The following JMJD1C variants were observed in gnomAD, a reference collection of about 807,000 sequenced individuals.
JMJD1C encodes jumonji domain-containing protein 1C.
Under a neutral mutation model 245.3 loss-of-function variants are expected in JMJD1C, and 31 were observed. The observed-to-expected ratio is 0.13, with a 90% CI of 0.09 to 0.17. The LOEUF (loss-of-function observed/expected upper bound fraction) is 0.17, where lower values mean the gene tolerates loss of function less well. JMJD1C is among the 10% of genes least tolerant of loss of function. JMJD1C has a pLI of 1.00. For synonymous variants in JMJD1C, 1,057 were observed against 1,017.4 expected, an observed-to-expected ratio of 1.04 and a Z score of -0.74; for missense variants, 2,691 against 3,000.2, an observed-to-expected ratio of 0.90 and a Z score of 2.41.
chr10:63,342,746 T>C (rs1169045139), intron 2 of JMJD1C, among the ~76,000 whole-genome samples: 1 of 152,240 alleles, frequency 6.6e-6, no homozygotes, highest in African/African-American at 2.4e-5. Context: ...TGATTACTTA[T>C]CAATAGCATA....
chr10:63,390,232 T>C (rs1947945309), intron 1 of JMJD1C, among the ~76,000 whole-genome samples: 1 of 151,904 alleles, frequency 6.6e-6, no homozygotes, highest in Non-Finnish European at 1.5e-5. Context: ...CAAAAGATCA[T>C]CAGAGACCAT....
intron 3 of JMJD1C, among the ~76,000 whole-genome samples, chr10:63,246,574 T>C (rs1852230262): frequency 6.6e-6 from 1 of 152,116 alleles, no homozygotes; most frequent in Non-Finnish European, 1.5e-5. Flanking sequence ...CAGACTCATC[T>C]TACAGGAATG....
In JMJD1C at chr10:63,194,347, A is replaced by G. The variant is rs763317577; in HGVS notation, c.5673T>C (p.Cys1891=). The G allele has an allele frequency of 4.3e-6, 7 of 1,612,370 alleles. No individual in the cohort carries two copies. In the South Asian group the frequency reaches 5.5e-5, roughly 13 times the overall value. ...RDKELYAWMK[C]VKGQPHDHKH... ...TGTGATCATGAGGCTGTCCCTTCAC[A>G]CACTTCATCCAAGCATATAGTTCTT... The change falls in exon 14 of 26, where the codon TGT becomes TGC. Residue 1891 remains cysteine (C), a synonymous_variant. Coordinates refer to ENST00000399262, the MANE Select transcript of JMJD1C (RefSeq NM_032776.3).
intron 1 of JMJD1C, among the ~76,000 whole-genome samples, chr10:63,464,904 G>A (rs1243645836): frequency 1.3e-5 from 2 of 152,154 alleles, no homozygotes; most frequent in Non-Finnish European, 2.9e-5. Context: ...CGGTTAGAAA[G>A]CCAAGCATCT....
intron 10 of JMJD1C, chr10:63,204,681 A>G: frequency 1.0e-6 from 1 of 985,448 alleles, no homozygotes; most frequent in Non-Finnish European, 1.2e-6. Context: ...ATTCAAGTAA[A>G]TGGCAGGTAT....
At chr10:63,381,193 C>A (rs540954226) in intron 1 of JMJD1C, among the ~76,000 whole-genome samples, 1 of 152,270 alleles carries the variant, frequency 6.6e-6, no homozygotes, top group South Asian at 2.1e-4. Flanking sequence ...CATGTTCACA[C>A]TCATATGTGG....
Position 63,213,808 on chromosome 10 carries a change from G to A in JMJD1C, c.2359C>T (p.His787Tyr). 1 of 1,614,040 alleles carries A rather than the reference G, an allele frequency of 6.2e-7. No homozygotes were observed. The highest frequency in any genetic ancestry group is 8.5e-7 in the Non-Finnish European group (1 of 1,179,952). Reference protein sequence around the residue: ...INTHPLTSGPHHAVHHPHLLP... With the variant: ...INTHPLTSGPYHAVHHPHLLP... ...AAATGAGGGTGATGAACAGCATGGTGTGGACCACTAGTCAGAGGATGAGTG... is the reference window on the plus strand; with the variant it reads ...AAATGAGGGTGATGAACAGCATGGTATGGACCACTAGTCAGAGGATGAGTG... The change falls in exon 8 of 26, where the codon CAC (histidine) becomes TAC (tyrosine). Residue 787 changes from histidine to tyrosine, a missense_variant. Physicochemically the swap from His to Tyr is moderately conservative, Grantham distance 83. Coordinates refer to ENST00000399262, the MANE Select transcript of JMJD1C (RefSeq NM_032776.3).
intron 1 of JMJD1C, among the ~76,000 whole-genome samples, chr10:63,402,262 AAAATT>A (rs1392131415): frequency 2.0e-5 from 3 of 152,334 alleles, no homozygotes; most frequent in Admixed American, 2.0e-4. Context: ...AGAGAAATAA[AAAATT>A]AAAACCATAA....
At chr10:63,427,489 T>C in intron 1 of JMJD1C, 2 of 1,272,290 alleles carry the variant, frequency 1.6e-6, no homozygotes, top group Non-Finnish European at 1.1e-6. Context: ...GATGTCCCAC[T>C]GGGCCAAGCA....
chr10:63,324,908 T>C (rs575452214), intron 2 of JMJD1C, among the ~76,000 whole-genome samples: 2 of 152,370 alleles, frequency 1.3e-5, no homozygotes, highest in African/African-American at 4.8e-5. Flanking sequence ...GCTGGAGTCA[T>C]GAAATCCTTA....
At chr10:63,221,237 G>A (rs962777000) in intron 3 of JMJD1C, among the ~76,000 whole-genome samples, 8 of 152,124 alleles carry the variant, frequency 5.3e-5, no homozygotes, top group African/African-American at 1.7e-4. Flanking sequence ...TAGCTGAAGT[G>A]TAAAAAATAA....
intron 1 of JMJD1C, among the ~76,000 whole-genome samples, chr10:63,423,201 G>A (rs1379375196): frequency 6.6e-6 from 1 of 152,092 alleles, no homozygotes; most frequent in Non-Finnish European, 1.5e-5. Context: ...CTGACCTCTG[G>A]TGATATGCCC....
At chr10:63,343,204 A>G (rs768569209) in intron 2 of JMJD1C, among the ~76,000 whole-genome samples, 1 of 152,054 alleles carries the variant, frequency 6.6e-6, no homozygotes, top group Non-Finnish European at 1.5e-5. Flanking sequence ...TCTACAAAAA[A>G]TTTTTTTAAA....
chr10:63,319,429 C>G (rs1288149090), intron 2 of JMJD1C, among the ~76,000 whole-genome samples: 1 of 150,658 alleles, frequency 6.6e-6, no homozygotes, highest in Non-Finnish European at 1.5e-5. Context: ...TATATTTTAA[C>G]TTTAACGTAT....
chr10:63,347,738 C>A (rs910642778), intron 2 of JMJD1C, among the ~76,000 whole-genome samples: 1 of 151,692 alleles, frequency 6.6e-6, no homozygotes, highest in Middle Eastern at 3.2e-3. Context: ...CGTGGTGAAA[C>A]GCCCCCACCC....
chr10:63,350,649 C>T lies in JMJD1C; in HGVS notation c.333+29669G>A, dbSNP rs185947888. Among the ~76,000 whole-genome samples the T allele has an allele frequency of 2.7e-3, 398 of 146,630 alleles. 3 individuals are homozygous for T. Among genetic ancestry groups the T allele is most frequent in the African/African-American group, 9.4e-3 (370 of 39,448 alleles). On this transcript the variant is annotated intron_variant, in intron 2 of 25. Coordinates refer to ENST00000399262, the MANE Select transcript of JMJD1C (RefSeq NM_032776.3). The stretch of plus-strand genomic sequence containing the variant: ...TTTTTTTTTTTGAGACGGAGTCTCA[C>T]TCTGTCACCCAGGCTGGAGTGCAGT...
intron 22 of JMJD1C, among the ~76,000 whole-genome samples, chr10:63,180,862 G>A (rs568260224): frequency 8.0e-5 from 12 of 150,556 alleles, no homozygotes; most frequent in South Asian, 2.1e-4. Flanking sequence ...TCCGCCTCCC[G>A]GGTTCACGCC....
intron 1 of JMJD1C, among the ~76,000 whole-genome samples, chr10:63,381,836 A>G (rs986517397): frequency 6.6e-6 from 1 of 152,232 alleles, no homozygotes; most frequent in Admixed American, 6.5e-5. Flanking sequence ...AGTAAAGATT[A>G]GCCCATTATC....
chr10:63,275,369 A>G (rs1014859317), intron 2 of JMJD1C, among the ~76,000 whole-genome samples: 3 of 152,266 alleles, frequency 2.0e-5, no homozygotes, highest in African/African-American at 7.2e-5. Flanking sequence ...AAGAAACTGC[A>G]AAGTCACAAA....
Sources: allele counts gnomAD v4.1 joint callset (sites outside exome capture counted in the v4.1 genomes callset), GRCh38; gene constraint gnomAD v4.1.1; transcripts MANE v1.5; gene names NCBI Gene and HGNC (gene_info 2026-07-23, HGNC 2026-07-21).